The following MYO16 variants were observed in gnomAD, a reference collection of about 807,000 sequenced individuals.
The protein encoded by MYO16 is myosin XVI.
MYO16 carries 94 observed loss-of-function variants against 205.3 expected under a neutral mutation model. The ratio of observed to expected loss-of-function variants is 0.46; its 90% CI spans 0.39 to 0.54. The LOEUF (loss-of-function observed/expected upper bound fraction) is 0.54. Among genes scored for constraint, MYO16 ranks in the 20% least tolerant of loss-of-function variants. MYO16 has a pLI of 0.00. For synonymous variants in MYO16, 988 were observed against 954.0 expected (o/e 1.04, Z -0.66); for missense variants, 2,315 against 2,387.5 (o/e 0.97, Z 0.63).
chr13:109,036,148 A>C (rs1886710593), intron 23 of MYO16, among the ~76,000 whole-genome samples: 1 of 152,168 alleles, frequency 6.6e-6, no homozygotes, highest in Non-Finnish European at 1.5e-5. Flanking sequence ...CAACCCCTGG[A>C]CCTTCTTTAA....
chr13:108,863,381 T>C (rs1468022396), intron 11 of MYO16, among the ~76,000 whole-genome samples: 8 of 152,164 alleles, frequency 5.3e-5, no homozygotes. Flanking sequence ...ATTCATGATT[T>C]TCAAAGTTAT....
intron 27 of MYO16, among the ~76,000 whole-genome samples, chr13:109,057,210 A>T (rs1400643212): frequency 6.6e-6 from 1 of 152,170 alleles, no homozygotes; most frequent in Non-Finnish European, 1.5e-5. Context: ...GCATTTTGGT[A>T]AATTTTATAA....
At chr13:108,869,680 G>A (rs760330253) in intron 12 of MYO16, among the ~76,000 whole-genome samples, 10 of 136,380 alleles carry the variant, frequency 7.3e-5, no homozygotes, top group Non-Finnish European at 1.1e-4. Flanking sequence ...GCAGTGAGCC[G>A]AGATCGTGCC....
At chr13:108,863,675 T>A (rs1878563833) in intron 11 of MYO16, among the ~76,000 whole-genome samples, 1 of 152,084 alleles carries the variant, frequency 6.6e-6, no homozygotes, top group African/African-American at 2.4e-5. Context: ...CCTATTAGAG[T>A]CTAATGTCAA....
At position 108,844,404 on chromosome 13, in the gene MYO16, A is replaced by G. The variant is rs1877407130; in HGVS notation, c.1159A>G (p.Lys387Glu). The G allele has an allele frequency of 2.8e-5, 45 of 1,613,608 alleles. 1 individual carries two copies. In the East Asian group the frequency reaches 1.0e-3, roughly 36 times the overall value. The change falls in exon 10 of 35, where the codon AAA becomes GAA. Residue 387 changes from lysine to glutamate, a missense_variant. By Grantham distance (56) the Lys-to-Glu change is moderately conservative (BLOSUM62 1). This residue lies in a region of MYO16 where 1,213 missense variants were observed against 1,274.4 expected (regional missense o/e 0.95). Coordinates refer to ENST00000457511, the MANE Select transcript of MYO16 (RefSeq NM_001198950.3). ...TTTGTTGGAAAAAGACATTATGTTCAAAGATGCAACAAAAGGTCTGTGTAA... is the reference window on the plus strand; with the variant it reads ...TTTGTTGGAAAAAGACATTATGTTCGAAGATGCAACAAAAGGTCTGTGTAA... ...DSLLEKDIMF[K>E]DATKGLCKQQ...
chr13:109,076,649 G>A (rs763705163), intron 27 of MYO16, among the ~76,000 whole-genome samples: 6 of 152,224 alleles, frequency 3.9e-5, no homozygotes, highest in Admixed American at 1.3e-4. Flanking sequence ...CTAACACTCC[G>A]CAAGAGTAGA....
rs114234470 is a variant in MYO16, at chr13:108,907,305, T to C, written c.1778-2698T>C. Among the ~76,000 whole-genome samples, 220 of 152,340 alleles carry C rather than the reference T, an allele frequency of 1.4e-3. 2 individuals are homozygous for C. The highest frequency in any genetic ancestry group is 5.1e-3 in the African/African-American group (213 of 41,582). On this transcript the variant is annotated intron_variant, in intron 15 of 34. Transcript: ENST00000457511. Reference sequence around the variant, plus strand: ...ATATATTTTTCAACACCAAAACTTTTTGGAACGCATATATGAATATATGGA... The same window carrying C: ...ATATATTTTTCAACACCAAAACTTTCTGGAACGCATATATGAATATATGGA...
At chr13:108,537,503 G>A in the MYO16 span, among the ~76,000 whole-genome samples, 1 of 151,930 alleles carries the variant, frequency 6.6e-6, no homozygotes, top group African/African-American at 2.4e-5. Flanking sequence ...CCTTTTCTTT[G>A]GGTAGACATC....
chr13:108,636,356 TTTTTTTTTTTTTTTG>T (rs1457970031), intron 1 of MYO16, among the ~76,000 whole-genome samples: 4 of 49,518 alleles, frequency 8.1e-5, no homozygotes, highest in African/African-American at 3.6e-4. Context: ...CTTTTTTTTT[TTTTTTTTTTTTTTTG>T]TGTGTGTGTG....
intron 24 of MYO16, among the ~76,000 whole-genome samples, chr13:109,050,302 G>A (rs766245838): frequency 4.0e-5 from 6 of 151,508 alleles, no homozygotes; most frequent in East Asian, 3.9e-4. Context: ...CGTAGAAATC[G>A]CTCTGTTTGA....
At chr13:108,631,313 G>A (rs1273472070) in intron 1 of MYO16, among the ~76,000 whole-genome samples, 1 of 152,180 alleles carries the variant, frequency 6.6e-6, no homozygotes, top group Admixed American at 6.5e-5. Context: ...GAAGCACAAA[G>A]GGACAGTGAC....
chr13:108,708,560 C>T (rs1350216812), intron 2 of MYO16, among the ~76,000 whole-genome samples: 1 of 152,194 alleles, frequency 6.6e-6, no homozygotes, highest in Non-Finnish European at 1.5e-5. Context: ...TGTGATTGTC[C>T]TTCCCTCTGT....
chr13:108,926,056 G>A (rs983299490), intron 16 of MYO16, among the ~76,000 whole-genome samples: 31 of 152,172 alleles, frequency 2.0e-4, no homozygotes, highest in African/African-American at 6.3e-4. Flanking sequence ...TCAGAGCCGC[G>A]TGCTCCATGG....
At chr13:108,922,558 C>T (rs531902832) in intron 16 of MYO16, among the ~76,000 whole-genome samples, 28 of 152,280 alleles carry the variant, frequency 1.8e-4, no homozygotes, top group African/African-American at 6.7e-4. Context: ...AAATCCGGTG[C>T]TTATGTAATC....
chr13:108,636,369 TTGTGTG>T (rs71125327), intron 1 of MYO16, among the ~76,000 whole-genome samples: 11 of 51,348 alleles, frequency 2.1e-4, no homozygotes, highest in African/African-American at 3.5e-4. Context: ...TTTTTTTTTT[TTGTGTG>T]TGTGTGTGTG....
intron 2 of MYO16, among the ~76,000 whole-genome samples, chr13:108,709,706 C>T (rs1384381879): frequency 7.4e-6 from 1 of 135,434 alleles, no homozygotes; most frequent in Non-Finnish European, 1.6e-5. Flanking sequence ...ATTTAGGTCT[C>T]TTACAATTCC....
At chr13:108,788,905 T>G (rs1441265799) in intron 5 of MYO16, among the ~76,000 whole-genome samples, 1 of 152,226 alleles carries the variant, frequency 6.6e-6, no homozygotes, top group Non-Finnish European at 1.5e-5. Flanking sequence ...TTCCTTCGAA[T>G]GCTTCCCGTG....
intron 27 of MYO16, among the ~76,000 whole-genome samples, chr13:109,065,224 T>G (rs530774476): frequency 5.9e-5 from 9 of 152,282 alleles, no homozygotes; most frequent in African/African-American, 2.2e-4. Flanking sequence ...GGCCTGGACT[T>G]GGCACAGCAT....
intron 14 of MYO16, among the ~76,000 whole-genome samples, chr13:108,895,421 G>A (rs1314768744): frequency 6.6e-6 from 1 of 152,124 alleles, no homozygotes; most frequent in East Asian, 1.9e-4. Flanking sequence ...CGGCCAAGTG[G>A]CTAATTAAAG....
Sources: gnomAD v4.1 joint callset for allele counts (sites outside exome capture counted in the v4.1 genomes callset) on GRCh38, gnomAD v4.1.1 for gene constraint, gnomAD v4.1.1 regional missense constraint, MANE v1.5 for transcripts, NCBI Gene and HGNC (gene_info 2026-07-23, HGNC 2026-07-21) for gene names.